Variants in NT5DC4 observed in about 807,000 individuals in gnomAD.
The protein encoded by NT5DC4 is 5'-nucleotidase domain containing 4, also known as 5'-nucleotidase domain-containing protein 4.
In NT5DC4, 44 loss-of-function variants were observed where a neutral mutation model predicts 26.6. The observed-to-expected ratio is 1.65, with a 90% confidence interval of 1.30 to 2.13. NT5DC4 has a LOEUF of 2.13. NT5DC4 is among the 30% of genes most tolerant of loss of function. NT5DC4 has a pLI of 0.00. For missense variants in NT5DC4, 399 were observed against 228.1 expected, an observed-to-expected ratio of 1.75 and a Z score of -4.83; for synonymous variants, 157 against 86.7, an observed-to-expected ratio of 1.81 and a Z score of -4.51.
At chr2:112,732,835 G>C (rs1678641880) in intron 16 of NT5DC4, among the ~76,000 whole-genome samples, 1 of 152,162 alleles carries the variant, frequency 6.6e-6, no homozygotes, top group Non-Finnish European at 1.5e-5. Context: ...CCTCAGCGAA[G>C]ATCCCTGACT....
At chr2:112,729,031 T>G (rs1008432377) in intron 15 of NT5DC4, among the ~76,000 whole-genome samples, 1 of 152,284 alleles carries the variant, frequency 6.6e-6, no homozygotes, top group East Asian at 1.9e-4. Flanking sequence ...ATTGTTAAAG[T>G]AGAGACCAGA....
At chr2:112,734,167 A>ATGTGTGTG (rs1380428965) in intron 16 of NT5DC4, among the ~76,000 whole-genome samples, 9 of 5,258 alleles carry the variant, frequency 1.7e-3, no homozygotes, top group Non-Finnish European at 4.4e-3. Context: ...GCTATTATAT[A>ATGTGTGTG]TATGTGTGTG....
At chr2:112,719,928 T>TTCTTTCTCTC (rs1553430174), upstream of NT5DC4, among the ~76,000 whole-genome samples, 5 of 21,154 alleles carry the variant, frequency 2.4e-4, no homozygotes, top group South Asian at 7.2e-3. Context: ...TTCTTTCTCT[T>TTCTTTCTCTC]TCTTTCTTTC....
Position 112,729,650 on chromosome 2 carries a change from G to T in NT5DC4, c.1290G>T (p.Glu430Asp). 1 of 717,932 alleles carries T rather than the reference G, an allele frequency of 1.4e-6. No individual in the cohort carries two copies. The highest frequency in any genetic ancestry group is 2.6e-6 in the Non-Finnish European group (1 of 385,168). The allele number at this position is 717,932 out of a possible 1,614,324, so 44.5% of individuals were successfully genotyped here. The change falls in exon 16 of 17, where the codon GAG (glutamate) becomes GAT (aspartate). Residue 430 changes from glutamate to aspartate, a missense_variant. Transcript: ENST00000688554. Reference protein sequence around the residue: ...EIQMPHESVVEQEQANLDPAS... With the variant: ...EIQMPHESVVDQEQANLDPAS... ...AGATGCCACATGAGTCAGTTGTGGA[G>T]CAAGAACAGGCCAATCTAGACCCTG...
At chr2:112,735,834 C>CA (rs1352053694) in intron 16 of NT5DC4, among the ~76,000 whole-genome samples, 9 of 152,290 alleles carry the variant, frequency 5.9e-5, no homozygotes, top group Middle Eastern at 3.4e-3. Context: ...TCGAAACCTC[C>CA]AATGTGCCAT....
At chr2:112,729,161 T>C (rs1485470528) in intron 15 of NT5DC4, among the ~76,000 whole-genome samples, 1 of 152,196 alleles carries the variant, frequency 6.6e-6, no homozygotes, top group Admixed American at 6.5e-5. Context: ...CTAGCTCTGC[T>C]GCCCAGGCTG....
upstream of NT5DC4, among the ~76,000 whole-genome samples, chr2:112,719,968 TTCTTTCTTTCTTTC>T (rs1676726624): frequency 3.3e-5 from 4 of 121,022 alleles, no homozygotes; most frequent in African/African-American, 6.8e-5. Flanking sequence ...CTTTCTTTCT[TTCTTTCTTTCTTTC>T]TTTCTTTTTC....
Position 112,724,761 on chromosome 2 carries a change from C to G in NT5DC4, c.790-20C>G. The G allele has an allele frequency of 1.4e-6, 1 of 716,482 alleles. No homozygotes were observed. The highest frequency in any genetic ancestry group is 2.6e-6 in the Non-Finnish European group (1 of 384,760). The allele number at this position is 716,482 out of a possible 1,614,324, so 44.4% of individuals were successfully genotyped here. A position where few individuals can be genotyped will look rare whatever the true frequency, so the allele number is the denominator to read the frequency against. On this transcript the variant is annotated intron_variant, in intron 10 of 16. Transcript: ENST00000688554. ...GATTTACCAGGCTGTGTGTGTGCAG[C>G]CCGTGTGCACCCCCAACAGGCTGAA...
Position 112,723,724 on chromosome 2 carries a change from C to A in NT5DC4, c.678C>A (p.Arg226=). The A allele has an allele frequency of 1.4e-6, 1 of 717,206 alleles. No homozygotes were observed. Among genetic ancestry groups the A allele is most frequent in the Non-Finnish European group, 2.6e-6 (1 of 385,026 alleles). 44.4% of individuals were successfully genotyped at this position (717,206 alleles called of 1,614,324 possible). Residue 226 remains arginine (R), a synonymous_variant, in exon 9 of 17, where the codon CGC becomes CGA. Transcript: ENST00000688554. ...DLEKYVKKDP[R]LPILLGKMKE... is the part of the protein sequence containing the mutation. ...TCCCTCTATCTCTGCCCCAGCCACG[C>A]CTCCCCATCCTGCTGGGGAAGATGA...
intron 1 of NT5DC4, 181 bp from the exon 2 acceptor site, chr2:112,721,637 C>T (rs1676874770): frequency 1.1e-5 from 8 of 716,774 alleles, no homozygotes; most frequent in Non-Finnish European, 2.1e-5. Context: ...CTCACACTTG[C>T]CTTCAGACAC....
intron 16 of NT5DC4, chr2:112,731,112 A>G (rs1678435767): frequency 6.6e-6 from 1 of 152,046 alleles, no homozygotes; most frequent in Admixed American, 6.6e-5. Flanking sequence ...GAGGATCAGG[A>G]AAGTTACATC....
intron 10 of NT5DC4, 163 bp from the exon 11 acceptor site, chr2:112,724,618 C>A: frequency 1.6e-6 from 1 of 613,866 alleles, no homozygotes; most frequent in South Asian, 1.9e-5. Flanking sequence ...TAGTGCCCAG[C>A]TTGGCTGGGG....
downstream of NT5DC4, chr2:112,740,686 C>A: frequency 1.4e-6 from 1 of 691,598 alleles, no homozygotes. Flanking sequence ...CATTCTAATA[C>A]CCCTCCTGAC....
At chr2:112,740,747 G>C (rs1241380429), downstream of NT5DC4, 2 of 1,304,516 alleles carry the variant, frequency 1.5e-6, no homozygotes, top group East Asian at 4.6e-5. Flanking sequence ...CTCTAGATCT[G>C]TGAAGGAAAA....
rs59851361 is a variant in NT5DC4 at position 112,734,169 on chromosome 2, ATG to A, written c.1344+4497_1344+4498del. Among the ~76,000 whole-genome samples the A allele has an allele frequency of 5.1e-4, 69 of 134,866 alleles. 1 individual carries two copies. The highest frequency in any genetic ancestry group is 1.3e-3 in the African/African-American group (45 of 35,338). The allele number at this position is 134,866 out of a possible 152,430, so 88.5% of individuals were successfully genotyped here. A position where few individuals can be genotyped will look rare whatever the true frequency, so the allele number is the denominator to read the frequency against. On this transcript the variant is annotated intron_variant, in intron 16 of 16. Coordinates refer to ENST00000688554, the MANE Select transcript of NT5DC4 (RefSeq NM_001393655.1). ...AAGTGTTTTCTATGCTATTATATAT[ATG>A]TGTGTGTGTGTGTGTGTGTGTGTGT... is the stretch of plus-strand genomic sequence containing the variant.
At chr2:112,740,651 C>T (rs992419494), downstream of NT5DC4, among the ~76,000 whole-genome samples, 2 of 152,074 alleles carry the variant, frequency 1.3e-5, no homozygotes, top group South Asian at 2.1e-4. Context: ...AAAAGGTAGG[C>T]GAGACCATAG....
downstream of NT5DC4, among the ~76,000 whole-genome samples, chr2:112,740,357 ACTGACGCC>A (rs1487655909): frequency 6.6e-6 from 1 of 152,210 alleles, no homozygotes; most frequent in Non-Finnish European, 1.5e-5. Context: ...AGAAAATGAC[ACTGACGCC>A]CTGACATAGC....
intron 16 of NT5DC4, chr2:112,736,672 A>G (rs922569273): frequency 6.6e-6 from 1 of 152,072 alleles, no homozygotes; most frequent in Non-Finnish European, 1.5e-5. Context: ...TAAATATTCC[A>G]TATGTGAGAT....
upstream of NT5DC4, among the ~76,000 whole-genome samples, chr2:112,719,924 C>CTT (rs758520099): frequency 0.029 from 2,005 of 68,770 alleles, 42 homozygotes; most frequent in South Asian, 0.059. Flanking sequence ...TTCTTTCTTT[C>CTT]TCTTTCTTTC....
Sources: allele counts gnomAD v4.1 joint callset (sites outside exome capture counted in the v4.1 genomes callset), GRCh38; gene constraint gnomAD v4.1.1; transcripts MANE v1.5; gene names NCBI Gene and HGNC (gene_info 2026-07-23, HGNC 2026-07-21).